The following PLXND1 variants were observed in gnomAD, a reference collection of about 807,000 sequenced individuals.
The protein encoded by PLXND1 is plexin-D1.
In PLXND1, 54 loss-of-function variants were observed where a neutral mutation model predicts 197.7. The observed-to-expected ratio is 0.27, with a 90% confidence interval of 0.22 to 0.34. The LOEUF is 0.34. Ranked by LOEUF, PLXND1 falls within the 10% of genes least tolerant of loss-of-function variation. The pLI, the probability that PLXND1 is intolerant of heterozygous loss-of-function variation, is 1.00. For synonymous variants in PLXND1, 1,180 were observed against 1,161.2 expected (o/e 1.02, Z -0.33); for missense variants, 2,127 against 2,699.2 (o/e 0.79, Z 4.70).
At chr3:129,560,607 C>T in intron 30 of PLXND1, 82 bp downstream of exon 30, 1 of 1,165,730 alleles carries the variant, frequency 8.6e-7, no homozygotes, top group Middle Eastern at 2.2e-4. Context: ...GAGCACTTTT[C>T]CCAAGAGGCC....
intron 24 of PLXND1, 114 bp downstream of exon 24, chr3:129,565,773 G>C (rs756757800): frequency 5.1e-5 from 60 of 1,176,260 alleles, no homozygotes; most frequent in Non-Finnish European, 6.3e-5. Context: ...GCCCAGGAAG[G>C]GCTGGAATAT....
intron 1 of PLXND1, among the ~76,000 whole-genome samples, chr3:129,600,746 C>A (rs1007009437): frequency 1.1e-4 from 16 of 151,764 alleles, no homozygotes; most frequent in Non-Finnish European, 2.2e-4. Context: ...TCACTCCCAG[C>A]CCCCAGCCCA....
At position 129,606,634 on chromosome 3, in the gene PLXND1, A is replaced by G. The variant is rs1213657434; in HGVS notation, c.6T>C (p.Ala2=). M[A]PRAAGGAPLS... The stretch of plus-strand genomic sequence containing the variant: ...GGGGTGCGCCGCCCGCGGCGCGAGG[A>G]GCCATCCGGGCGTGCGCGGGCTGCG... Residue 2 remains alanine (A), a synonymous_variant, in exon 1 of 36, where the codon GCT becomes GCC. Coordinates refer to ENST00000324093, the MANE Select transcript of PLXND1 (RefSeq NM_015103.3). The G allele has an allele frequency of 2.8e-6, 3 of 1,083,242 alleles. No individual in the cohort carries two copies. The highest frequency in any genetic ancestry group is 3.4e-6 in the Non-Finnish European group (3 of 894,948). 67.1% of individuals were successfully genotyped at this position (1,083,242 alleles called of 1,614,324 possible). A position where few individuals can be genotyped will look rare whatever the true frequency, so the allele number is the denominator to read the frequency against.
intron 25 of PLXND1, among the ~76,000 whole-genome samples, chr3:129,563,654 G>A (rs1022369412): frequency 2.6e-5 from 4 of 152,142 alleles, no homozygotes; most frequent in South Asian, 2.1e-4. Context: ...AGGTGGACCC[G>A]AAACACCGAT....
In PLXND1 at chr3:129,586,859, G is replaced by A. The variant is rs377709238; in HGVS notation, c.1489-140C>T. On this transcript the variant is annotated intron_variant, in intron 2 of 35. Transcript: ENST00000324093. Reference sequence around the variant, plus strand: ...TCAGGAGGGGTGGGAAGTCACGGGCGTGCAGGGGAGGGCACAGGGCCGGGC... The same window carrying A: ...TCAGGAGGGGTGGGAAGTCACGGGCATGCAGGGGAGGGCACAGGGCCGGGC... The A allele has an allele frequency of 7.6e-4, 719 of 945,598 alleles. 10 individuals carry two copies. In the African/African-American group the frequency reaches 0.01, roughly 13 times the overall value. 58.6% of individuals were successfully genotyped at this position (945,598 alleles called of 1,614,324 possible). A position where few individuals can be genotyped will look rare whatever the true frequency, so the allele number is the denominator to read the frequency against.
chr3:129,558,473 C>T lies in PLXND1; in HGVS notation c.5400G>A (p.Gln1800=), dbSNP rs1239891270. 1.2e-6 allele frequency: 2 copies of T among 1,613,878 alleles called. No individual in the cohort carries two copies. Among genetic ancestry groups the T allele is most frequent in the Non-Finnish European group, 1.7e-6 (2 of 1,180,030 alleles). ...AGATGGAGCAGGCGTCGATGAAGGC[C>T]TGCGCGATGACTGAAAGGCAGGCGT... ...HIDACLSVIA[Q]AFIDACSISD... Residue 1800 remains glutamine, a synonymous_variant, in exon 33 of 36, where the codon CAG becomes CAA. Transcript: ENST00000324093. The surrounding 1 kb of genome is among the most constrained non-coding windows in gnomAD (Gnocchi z 4.1).
At chr3:129,580,556 G>A (rs2085372862) in intron 8 of PLXND1, among the ~76,000 whole-genome samples, 1 of 152,162 alleles carries the variant, frequency 6.6e-6, no homozygotes. Context: ...GGGCTGAGGT[G>A]TGAGAGTCAG....
Position 129,566,475 on chromosome 3 carries a change from G to T in PLXND1, c.4191+52C>A, listed in dbSNP as rs1020297754. On this transcript the variant is annotated intron_variant, in intron 23 of 35. Coordinates refer to ENST00000324093, the MANE Select transcript of PLXND1 (RefSeq NM_015103.3). The stretch of plus-strand genomic sequence containing the variant: ...TGAACTGGAAAGGGGACCCAGGGGG[G>T]AGCAGGGTTGCCCTGAAGCAGCCCA... 21 of 1,075,188 alleles carry T rather than the reference G, an allele frequency of 2.0e-5. 1 individual carries two copies. Among genetic ancestry groups the T allele is most frequent in the South Asian group, 2.5e-5 (2 of 80,382 alleles). The allele number at this position is 1,075,188 out of a possible 1,614,324, so 66.6% of individuals were successfully genotyped here.
In PLXND1 at chr3:129,566,462, G is replaced by A. The variant is rs562896876; in HGVS notation, c.4191+65C>T. 1.4e-5 allele frequency: 13 copies of A among 959,886 alleles called. No individual in the cohort carries two copies. In the South Asian group the frequency reaches 1.7e-4, roughly 12 times the overall value. 59.5% of individuals were successfully genotyped at this position (959,886 alleles called of 1,614,324 possible). A position where few individuals can be genotyped will look rare whatever the true frequency, so the allele number is the denominator to read the frequency against. On this transcript the variant is annotated intron_variant, in intron 23 of 35. Coordinates refer to ENST00000324093, the MANE Select transcript of PLXND1 (RefSeq NM_015103.3). ...TCAATGCATTAGATGAACTGGAAAG[G>A]GGACCCAGGGGGGAGCAGGGTTGCC...
chr3:129,593,943 T>G (rs2085583347), intron 1 of PLXND1, among the ~76,000 whole-genome samples: 1 of 152,166 alleles, frequency 6.6e-6, no homozygotes, highest in Non-Finnish European at 1.5e-5. Flanking sequence ...ACTCTCCCAT[T>G]AAAACTCTGA....
Position 129,555,414 on chromosome 3 carries a change from G to A in PLXND1, c.*898C>T, listed in dbSNP as rs947743633. 2.2e-5 allele frequency: 14 copies of A among 646,488 alleles called. No individual in the cohort carries two copies. The highest frequency in any genetic ancestry group is 1.9e-4 in the African/African-American group (10 of 53,162). The allele number at this position is 646,488 out of a possible 1,614,324, so 40.0% of individuals were successfully genotyped here. ...TCAGGCGCCAGGGGCGCTCTGCCAG[G>A]TCTGCCCGCTCTCTGGAACAGTCAT... On this transcript the variant is annotated 3_prime_UTR_variant, in exon 36 of 36. Transcript: ENST00000324093.
chr3:129,574,122 A>G (rs148313675), intron 12 of PLXND1, among the ~76,000 whole-genome samples: 4 of 152,244 alleles, frequency 2.6e-5, no homozygotes, highest in South Asian at 2.1e-4. Context: ...AATGCCTTCT[A>G]TAATTTATTC....
At chr3:129,589,325 C>T (rs2085503725) in intron 2 of PLXND1, 26 bp downstream of exon 2, 2 of 1,165,990 alleles carry the variant, frequency 1.7e-6, no homozygotes, top group East Asian at 5.6e-5. Flanking sequence ...CCCCCACCCC[C>T]TCCCCACATC....
chr3:129,560,184 C>T, intron 31 of PLXND1, 146 bp downstream of exon 31: 1 of 622,796 alleles, frequency 1.6e-6, no homozygotes, highest in Non-Finnish European at 2.9e-6. Flanking sequence ...CAGCCTCTTG[C>T]CCCTCCAGCC....
In PLXND1 at chr3:129,556,108, G is replaced by A. The variant is rs1161005000; in HGVS notation, c.*204C>T. On this transcript the variant is annotated 3_prime_UTR_variant, in exon 36 of 36. Transcript: ENST00000324093. ...CCTCCATCCCAGAGACTGATCTGGG[G>A]ACAGGTGGGAGGGGATGGAGGTGCC... 4.6e-5 allele frequency: 26 copies of A among 560,376 alleles called. No homozygotes were observed. The highest frequency in any genetic ancestry group is 4.8e-4 in the Middle Eastern group (1 of 2,082). 34.7% of individuals were successfully genotyped at this position (560,376 alleles called of 1,614,324 possible). A position where few individuals can be genotyped will look rare whatever the true frequency, so the allele number is the denominator to read the frequency against.
At position 129,586,025 on chromosome 3, in the gene PLXND1, G is replaced by A; in HGVS notation, c.1778C>T (p.Ala593Val). ...NSSQQHFWTS[A>V]SEGPSRCPAM... is the part of the protein sequence containing the mutation. ...AGGACAGCGGCTGGGGCCCTCGCTG[G>A]CACTGGTCCAGAAATGCTGCTGGCT... Residue 593 changes from alanine to valine, a missense_variant, in exon 5 of 36, where the codon GCC becomes GTC. Ala to Val is a moderately conservative substitution (Grantham distance 64, BLOSUM62 0). This residue lies in a region of PLXND1 where 1,095 missense variants were observed against 1,259.8 expected (regional missense o/e 0.87). Transcript: ENST00000324093. 6.2e-7 allele frequency: 1 copy of A among 1,613,994 alleles called. No individual in the cohort carries two copies. The highest frequency in any genetic ancestry group is 1.1e-5 in the South Asian group (1 of 91,086).
At chr3:129,556,821 C>T in intron 34 of PLXND1, 130 bp from the exon 35 acceptor site, 1 of 736,122 alleles carries the variant, frequency 1.4e-6, no homozygotes, top group Non-Finnish European at 2.3e-6. Flanking sequence ...GCGATGAGGC[C>T]CCTCAAGTCC....
At chr3:129,570,311 A>G (rs1269644010) in intron 19 of PLXND1, among the ~76,000 whole-genome samples, 1 of 152,140 alleles carries the variant, frequency 6.6e-6, no homozygotes, top group Non-Finnish European at 1.5e-5. Flanking sequence ...TAGGTGAGGT[A>G]TGAGGACTCA....
Position 129,572,945 on chromosome 3 carries a change from A to T in PLXND1, c.2838-4T>A. 1 of 1,609,062 alleles carries T rather than the reference A, an allele frequency of 6.2e-7. No homozygotes were observed. The highest frequency in any genetic ancestry group is 8.5e-7 in the Non-Finnish European group (1 of 1,176,168). The stretch of plus-strand genomic sequence containing the variant: ...TGGCCCTGTGACACACACGATCCTG[A>T]GGGGAGGTGCTGTGGTCAGCCAGCG... On this transcript the variant is annotated splice_region_variant and splice_polypyrimidine_tract_variant and intron_variant, in intron 13 of 35. Transcript: ENST00000324093.
Sources: gnomAD v4.1 joint callset for allele counts (sites outside exome capture counted in the v4.1 genomes callset) on GRCh38, gnomAD v4.1.1 for gene constraint, gnomAD v4.1.1 regional missense constraint, Gnocchi (gnomAD v3.1) non-coding constraint, MANE v1.5 for transcripts, NCBI Gene and HGNC (gene_info 2026-07-23, HGNC 2026-07-21) for gene names.